GRIK1: variants seen among roughly 807,000 people sequenced by gnomAD.
The protein encoded by GRIK1 is glutamate ionotropic receptor kainate type subunit 1, also known as glutamate receptor ionotropic, kainate 1.
In GRIK1, 69 loss-of-function variants were observed where a neutral mutation model predicts 105.7. The observed-to-expected ratio is 0.65, with a 90% CI of 0.54 to 0.80. GRIK1 has a LOEUF of 0.80. Among genes scored for constraint, GRIK1 ranks in the 30% least tolerant of loss-of-function variants. The probability of loss-of-function intolerance (pLI) is 0.00; values close to 1 mark genes in which losing one functional copy is unlikely to be tolerated. For missense variants in GRIK1, 1,109 were observed against 1,167.3 expected (o/e 0.95, Z 0.73); for synonymous variants, 438 against 431.3 (o/e 1.02, Z -0.19).
At chr21:29,906,051 A>T (rs1053536967) in intron 1 of GRIK1, among the ~76,000 whole-genome samples, 3 of 152,178 alleles carry the variant, frequency 2.0e-5, no homozygotes, top group African/African-American at 7.2e-5. Flanking sequence ...AGAAGCAAAG[A>T]AATATAGAGG....
chr21:29,585,469 G>A (rs978017297), intron 12 of GRIK1, among the ~76,000 whole-genome samples: 8 of 152,154 alleles, frequency 5.3e-5, no homozygotes, highest in South Asian at 4.2e-4. Context: ...TACTGGCTTT[G>A]GTCAAGTCAT....
chr21:29,835,076 T>G (rs1405034979), intron 1 of GRIK1, among the ~76,000 whole-genome samples: 1 of 152,144 alleles, frequency 6.6e-6, no homozygotes, highest in Non-Finnish European at 1.5e-5. Context: ...CATGCTAATG[T>G]CCTCTGTTTA....
intron 4 of GRIK1, among the ~76,000 whole-genome samples, chr21:29,669,725 T>C (rs2063128925): frequency 6.6e-6 from 1 of 152,160 alleles, no homozygotes; most frequent in African/African-American, 2.4e-5. Context: ...TCATGTAGGA[T>C]GCCACACACC....
chr21:29,879,191 G>T (rs113057455), intron 1 of GRIK1, among the ~76,000 whole-genome samples: 102 of 152,208 alleles, frequency 6.7e-4, no homozygotes, highest in African/African-American at 2.0e-3. Context: ...GCTCAGCTCT[G>T]CACATGGGTT....
rs150098376 is a variant in GRIK1 at position 29,759,474 on chromosome 21, C to G, written c.119-65411G>C. 2.3e-3 allele frequency among the ~76,000 whole-genome samples: 355 copies of G among 152,272 alleles called. 3 individuals carry two copies. The highest frequency in any genetic ancestry group is 8.3e-3 in the African/African-American group (344 of 41,562). ...AAGGTTGTTGTTAGGGTTAGTTAAA[C>G]TAATTTATATGAAACACCTGGTGAA... On this transcript the variant is annotated intron_variant, in intron 1 of 17. Coordinates refer to ENST00000327783, the MANE Select transcript of GRIK1 (RefSeq NM_001330994.2).
chr21:29,801,061 T>C (rs2066694126), intron 1 of GRIK1, among the ~76,000 whole-genome samples: 1 of 152,032 alleles, frequency 6.6e-6, no homozygotes, highest in Non-Finnish European at 1.5e-5. Flanking sequence ...ATTTTACAAG[T>C]GAAGAAATCA....
intron 1 of GRIK1, among the ~76,000 whole-genome samples, chr21:29,771,959 G>C (rs886845833): frequency 2.0e-5 from 3 of 152,218 alleles, no homozygotes; most frequent in Non-Finnish European, 4.4e-5. Flanking sequence ...GGGACAGCCA[G>C]ATCCATTCTT....
chr21:29,779,746 C>T (rs1341233771), intron 1 of GRIK1, among the ~76,000 whole-genome samples: 2 of 152,140 alleles, frequency 1.3e-5, no homozygotes, highest in Non-Finnish European at 2.9e-5. Flanking sequence ...TCCAAAAATT[C>T]CACTAATTTA....
At chr21:29,614,069 C>T (rs113254704) in intron 7 of GRIK1, among the ~76,000 whole-genome samples, 14 of 152,148 alleles carry the variant, frequency 9.2e-5, no homozygotes, top group African/African-American at 3.4e-4. Flanking sequence ...GATAACAACC[C>T]CTAGCATGGC....
intron 1 of GRIK1, among the ~76,000 whole-genome samples, chr21:29,920,852 G>T (rs1185502186): frequency 6.6e-6 from 1 of 151,432 alleles, no homozygotes; most frequent in East Asian, 1.9e-4. Context: ...AAAGTGTTTT[G>T]CCATGAGTCC....
intron 1 of GRIK1, among the ~76,000 whole-genome samples, chr21:29,842,575 T>G (rs558436330): frequency 3.3e-5 from 5 of 152,220 alleles, no homozygotes; most frequent in Admixed American, 6.5e-5. Flanking sequence ...TTCTTGGTAC[T>G]TAGATTTTCA....
At chr21:29,788,986 C>T (rs71321309) in intron 1 of GRIK1, among the ~76,000 whole-genome samples, 10,811 of 152,264 alleles carry the variant, frequency 0.071, 428 homozygotes, top group South Asian at 0.087. Flanking sequence ...TCCTAACAGG[C>T]CACATGGCCC....
At chr21:29,570,878 T>C (rs1265401857) in intron 14 of GRIK1, among the ~76,000 whole-genome samples, 1 of 144,114 alleles carries the variant, frequency 6.9e-6, no homozygotes, top group African/African-American at 2.5e-5. Flanking sequence ...TGAGGTAGAA[T>C]CTCAGGATGT....
At chr21:29,895,730 T>C (rs463479) in intron 1 of GRIK1, among the ~76,000 whole-genome samples, 31,482 of 152,142 alleles carry the variant, frequency 0.21, 3,593 homozygotes, top group South Asian at 0.31. Context: ...AGTATCATCA[T>C]TAGTATGGAT....
chr21:29,904,316 T>C (rs1001781196), intron 1 of GRIK1, among the ~76,000 whole-genome samples: 9 of 142,530 alleles, frequency 6.3e-5, no homozygotes, highest in Admixed American at 4.2e-4. Context: ...ACACTTTTTT[T>C]TGGGAAAAAA....
intron 1 of GRIK1, among the ~76,000 whole-genome samples, chr21:29,888,197 C>CTTTCTTCCTT (rs59241719): frequency 1.8e-4 from 4 of 22,310 alleles, no homozygotes; most frequent in Admixed American, 7.6e-4. Context: ...TTCTTTCTTT[C>CTTTCTTCCTT]TCTCTCTCTC....
intron 1 of GRIK1, among the ~76,000 whole-genome samples, chr21:29,936,198 C>T (rs2146377730): frequency 6.6e-6 from 1 of 152,284 alleles, no homozygotes; most frequent in South Asian, 2.1e-4. Context: ...GCCCACTGCT[C>T]AATTCTTAAT....
chr21:29,899,136 G>A (rs924761737), intron 1 of GRIK1, among the ~76,000 whole-genome samples: 1 of 152,140 alleles, frequency 6.6e-6, no homozygotes, highest in Non-Finnish European at 1.5e-5. Context: ...TTTGAAATCA[G>A]CTAAATATAT....
chr21:29,608,164 A>G (rs964209280), intron 7 of GRIK1, among the ~76,000 whole-genome samples: 1 of 152,112 alleles, frequency 6.6e-6, no homozygotes, highest in Non-Finnish European at 1.5e-5. Flanking sequence ...AGTCATGTTA[A>G]TGAGCATTTT....
Sources: allele counts gnomAD v4.1 joint callset (sites outside exome capture counted in the v4.1 genomes callset), GRCh38; gene constraint gnomAD v4.1.1; transcripts MANE v1.5; gene names NCBI Gene and HGNC (gene_info 2026-07-23, HGNC 2026-07-21).